Variants in IFT74 observed in about 807,000 individuals in gnomAD.
IFT74 encodes intraflagellar transport protein 74 homolog.
Under a neutral mutation model 96.7 loss-of-function variants are expected in IFT74, and 92 were observed. The observed-to-expected ratio is 0.95, with a 90% confidence interval of 0.80 to 1.13. IFT74 has a LOEUF of 1.13. Ranked by LOEUF, IFT74 falls within the 50% of genes most tolerant of loss-of-function variation. The pLI, the probability that IFT74 is intolerant of heterozygous loss-of-function variation, is 0.00. For synonymous variants in IFT74, 223 were observed against 213.2 expected (o/e 1.05, Z -0.40); for missense variants, 811 against 698.2 (o/e 1.16, Z -1.82).
chr9:27,015,576 G>T (rs1829299492), intron 10 of IFT74, among the ~76,000 whole-genome samples: 1 of 152,248 alleles, frequency 6.6e-6, no homozygotes, highest in South Asian at 2.1e-4. Context: ...GGCGGAGTTT[G>T]CAGTGAGCCA....
chr9:26,963,843 T>C (rs1164612546), intron 2 of IFT74, among the ~76,000 whole-genome samples: 4 of 152,166 alleles, frequency 2.6e-5, no homozygotes, highest in Non-Finnish European at 5.9e-5. Flanking sequence ...GAGTTCATTG[T>C]AGATAGATTC....
chr9:26,959,089 TTTGTTGTTGTTGTTG>T (rs60936250), intron 1 of IFT74, among the ~76,000 whole-genome samples: 7 of 150,524 alleles, frequency 4.7e-5, no homozygotes, highest in Admixed American at 6.6e-5. Context: ...AGCTATTCTT[TTTGTTGTTGTTGTTG>T]TTGTTGTTGT....
intron 8 of IFT74, among the ~76,000 whole-genome samples, chr9:27,003,027 G>A (rs756221335): frequency 1.7e-4 from 26 of 151,910 alleles, no homozygotes; most frequent in East Asian, 3.8e-4. Flanking sequence ...TGATTCCAAG[G>A]TATTTTATAT....
At chr9:26,995,750 A>G in intron 8 of IFT74, 4 of 1,613,862 alleles carry the variant, frequency 2.5e-6, no homozygotes, top group Non-Finnish European at 3.4e-6. Flanking sequence ...ATTGTACCAT[A>G]TTGGGCATTT....
intron 16 of IFT74, among the ~76,000 whole-genome samples, chr9:27,050,384 C>CA (rs1472688167): frequency 2.0e-5 from 3 of 152,030 alleles, no homozygotes; most frequent in African/African-American, 7.2e-5. Context: ...TAAAAGGGCT[C>CA]AAAAATCACA....
At chr9:27,028,484 G>A (rs939025893) in intron 12 of IFT74, among the ~76,000 whole-genome samples, 1 of 152,160 alleles carries the variant, frequency 6.6e-6, no homozygotes, top group African/African-American at 2.4e-5. Context: ...TATGCTTGGC[G>A]CAGTGGCTCG....
chr9:26,998,124 T>C (rs759123394), intron 8 of IFT74: 3 of 1,612,866 alleles, frequency 1.9e-6, no homozygotes, highest in African/African-American at 1.3e-5. Flanking sequence ...TGTAGAACTC[T>C]TGTGTCTGTA....
At chr9:26,947,770 T>C (rs1282309838) in intron 1 of IFT74, among the ~76,000 whole-genome samples, 2 of 152,216 alleles carry the variant, frequency 1.3e-5, no homozygotes, top group African/African-American at 4.8e-5. Context: ...TACTCTCTGT[T>C]GTCAAATTTA....
At position 27,058,580 on chromosome 9, in the gene IFT74, G is replaced by A. The variant is rs183445572; in HGVS notation, c.1624-2011G>A. ...TTTTTGTGTTTTTAGTAGAGACAGG[G>A]TTTCACCTTGTTGGCCAGGCTGGTC... On this transcript the variant is annotated intron_variant, in intron 18 of 19. Coordinates refer to ENST00000380062, the MANE Select transcript of IFT74 (RefSeq NM_025103.4). Among the ~76,000 whole-genome samples the A allele has an allele frequency of 4.4e-3, 664 of 152,026 alleles. 5 individuals are homozygous for A. The highest frequency in any genetic ancestry group is 0.015 in the South Asian group (71 of 4,820).
intron 13 of IFT74, chr9:27,036,452 C>G: frequency 1.2e-6 from 2 of 1,613,530 alleles, no homozygotes; most frequent in Non-Finnish European, 1.7e-6. Context: ...ATCTGCAGAT[C>G]CTACCAACTA....
intron 8 of IFT74, chr9:26,999,695 G>A (rs559912717): frequency 1.3e-6 from 2 of 1,590,492 alleles, no homozygotes; most frequent in African/African-American, 2.7e-5. Context: ...TGACTTTCAT[G>A]TTGCAGACCT....
At chr9:26,971,708 T>C (rs1826886212) in intron 2 of IFT74, among the ~76,000 whole-genome samples, 1 of 152,180 alleles carries the variant, frequency 6.6e-6, no homozygotes, top group Admixed American at 6.5e-5. Flanking sequence ...GTACAATAGC[T>C]ATCTCTTCTG....
intron 13 of IFT74, among the ~76,000 whole-genome samples, chr9:27,030,002 T>C (rs1200694580): frequency 2.0e-5 from 3 of 152,098 alleles, no homozygotes; most frequent in South Asian, 4.1e-4. Flanking sequence ...GGTTTGACTA[T>C]GTAGAAATAC....
chr9:26,990,957 G>A lies in IFT74; in HGVS notation c.587+762G>A, dbSNP rs549569529. Reference sequence around the variant, plus strand: ...TTATTCCTGAATTATTTATTCTAAGGCAACACAAACACAATGAGCTATGTT... The same window carrying A: ...TTATTCCTGAATTATTTATTCTAAGACAACACAAACACAATGAGCTATGTT... On this transcript the variant is annotated intron_variant, in intron 8 of 19. Coordinates refer to ENST00000380062, the MANE Select transcript of IFT74 (RefSeq NM_025103.4). Among the ~76,000 whole-genome samples the A allele has an allele frequency of 9.2e-5, 14 of 152,174 alleles. 2 individuals are homozygous for A. The highest frequency in any genetic ancestry group is 3.1e-4 in the African/African-American group (13 of 41,528).
intron 2 of IFT74, 146 bp downstream of exon 2, chr9:26,962,233 T>A (rs747334391): frequency 1.5e-6 from 1 of 651,144 alleles, no homozygotes; most frequent in Non-Finnish European, 2.6e-6. Flanking sequence ...ATCTGTTGAA[T>A]GCTTGTGCAT....
At chr9:27,006,909 T>A (rs1257802904) in intron 8 of IFT74, among the ~76,000 whole-genome samples, 1 of 140,774 alleles carries the variant, frequency 7.1e-6, no homozygotes, top group Non-Finnish European at 1.5e-5. Context: ...CAGTCTCGGC[T>A]CACTGCAAGC....
intron 4 of IFT74, among the ~76,000 whole-genome samples, chr9:26,981,730 T>C (rs1057198970): frequency 8.6e-5 from 13 of 151,844 alleles, no homozygotes; most frequent in Admixed American, 7.2e-4. Flanking sequence ...CCTTGTAGCA[T>C]TTTAAAAGTT....
chr9:26,947,603 G>A (rs1825786419), intron 1 of IFT74: 1 of 152,638 alleles, frequency 6.6e-6, no homozygotes. Context: ...GAGGTTGTTT[G>A]GTGTCTACTG....
In IFT74 at chr9:27,055,617, C is replaced by G. The variant is rs775945301; in HGVS notation, c.1342C>G (p.Arg448Gly). ...TAQNLTSDIQRLQLDLQKMEL... is the reference protein window; with the variant it reads ...TAQNLTSDIQGLQLDLQKMEL... ...AAATTCTTATGTTTCAGACATTCAA[C>G]GTCTGCAGTTGGATCTGCAGAAAAT... The change falls in exon 17 of 20, where the codon CGT (arginine) becomes GGT (glycine). Residue 448 changes from arginine (R) to glycine (G), a missense_variant. Arg to Gly is a moderately radical substitution (Grantham distance 125). Transcript: ENST00000380062. The G allele has an allele frequency of 1.1e-5, 17 of 1,571,546 alleles. No homozygotes were observed. Among genetic ancestry groups the G allele is most frequent in the African/African-American group, 1.4e-5 (1 of 72,108 alleles).
Sources: allele counts gnomAD v4.1 joint callset (sites outside exome capture counted in the v4.1 genomes callset), GRCh38; gene constraint gnomAD v4.1.1; transcripts MANE v1.5; gene names NCBI Gene and HGNC (gene_info 2026-07-23, HGNC 2026-07-21).